Variants in DRC10 observed in about 807,000 individuals in gnomAD.
DRC10 encodes the protein dynein regulatory complex subunit 10, also known as IQ domain-containing protein D.
the DRC10 span, among the ~76,000 whole-genome samples, chr12:113,215,280 C>G: frequency 6.6e-6 from 1 of 152,198 alleles, no homozygotes; most frequent in African/African-American, 2.4e-5. Context: ...GTCGATTAAC[C>G]TCTCTAAGCC....
At chr12:113,197,838 C>T in the DRC10 span, among the ~76,000 whole-genome samples, 2 of 152,150 alleles carry the variant, frequency 1.3e-5, no homozygotes, top group East Asian at 1.9e-4. Context: ...GAATTTGATG[C>T]CAGCAGCCTG....
chr12:113,201,312 G>A, the DRC10 span, among the ~76,000 whole-genome samples: 4 of 152,240 alleles, frequency 2.6e-5, no homozygotes, highest in African/African-American at 9.6e-5. Flanking sequence ...GAGGCTCAAG[G>A]AGGTGGCTTC....
chr12:113,214,436 A>T, the DRC10 span, among the ~76,000 whole-genome samples: 502 of 147,766 alleles, frequency 3.4e-3, 5 homozygotes, highest in African/African-American at 0.011. Flanking sequence ...AACCAGGGAA[A>T]TGGAAGTTGC....
the DRC10 span, among the ~76,000 whole-genome samples, chr12:113,211,939 CCTGTAGTCCCCGCTATTTGGGG>C: frequency 1.4e-3 from 220 of 152,180 alleles, no homozygotes; most frequent in Middle Eastern, 0.02. Context: ...GTGGCAGGTG[CCTGTAGTCCCCGCTATTTGGGG>C]AGCTGAGGCA....
chr12:113,197,566 T>A, the DRC10 span: 1 of 1,534,352 alleles, frequency 6.5e-7, no homozygotes, highest in South Asian at 1.2e-5. Flanking sequence ...CTCTGTATCA[T>A]ATTTCTGGAT....
the DRC10 span, chr12:113,208,449 G>T: frequency 1.2e-6 from 1 of 859,482 alleles, no homozygotes; most frequent in Non-Finnish European, 1.5e-6. Flanking sequence ...GGAAGACCAA[G>T]TGTGGAGGCA....
chr12:113,204,961 G>C, the DRC10 span, among the ~76,000 whole-genome samples: 1 of 151,984 alleles, frequency 6.6e-6, no homozygotes, highest in Non-Finnish European at 1.5e-5. Context: ...CCCTAGCTTG[G>C]AAGGTTCTTC....
chr12:113,208,932 T>G, the DRC10 span, among the ~76,000 whole-genome samples: 1 of 152,120 alleles, frequency 6.6e-6, no homozygotes, highest in Admixed American at 6.6e-5. Context: ...TTTTTTGGTT[T>G]GTTTGTTTAT....
At chr12:113,200,745 C>G in the DRC10 span, 47 of 1,535,976 alleles carry the variant, frequency 3.1e-5, no homozygotes, top group Non-Finnish European at 4.0e-5. Flanking sequence ...CGAGGCTGTT[C>G]TCTGAGAACT....
At chr12:113,214,094 T>A in the DRC10 span, among the ~76,000 whole-genome samples, 103 of 152,158 alleles carry the variant, frequency 6.8e-4, 1 homozygote, top group Non-Finnish European at 7.4e-4. Flanking sequence ...GAACTCTGTA[T>A]GTTTTATCTG....
At chr12:113,208,128 C>T in the DRC10 span, 1 of 1,614,022 alleles carries the variant, frequency 6.2e-7, no homozygotes, top group Non-Finnish European at 8.5e-7. Context: ...TGGCAGGGGC[C>T]TGATACAAAG....
the DRC10 span, among the ~76,000 whole-genome samples, chr12:113,205,717 G>A: frequency 1.2e-3 from 161 of 134,660 alleles, no homozygotes; most frequent in East Asian, 0.025. Context: ...GTGAAACCCC[G>A]TCTCTACTAA....
At chr12:113,208,088 A>G in the DRC10 span, 13 of 1,614,170 alleles carry the variant, frequency 8.1e-6, no homozygotes, top group Non-Finnish European at 1.1e-5. Flanking sequence ...GGCCTTTTAG[A>G]TGGGTCTGTC....
At chr12:113,214,507 CAAA>C in the DRC10 span, among the ~76,000 whole-genome samples, 2 of 50,314 alleles carry the variant, frequency 4.0e-5, no homozygotes, top group East Asian at 4.8e-4. Flanking sequence ...GACTCCGTCT[CAAA>C]AAAAAAAAAA....
chr12:113,210,947 G>C, the DRC10 span, among the ~76,000 whole-genome samples: 1 of 152,332 alleles, frequency 6.6e-6, no homozygotes, highest in East Asian at 1.9e-4. Flanking sequence ...ATTAGGACTT[G>C]AGTGAAAGAG....
At chr12:113,206,846 A>ACC in the DRC10 span, among the ~76,000 whole-genome samples, 1 of 151,706 alleles carries the variant, frequency 6.6e-6, no homozygotes, top group Non-Finnish European at 1.5e-5. Context: ...GATCTCTTGA[A>ACC]CCCAGAAGTT....
the DRC10 span, among the ~76,000 whole-genome samples, chr12:113,198,588 G>A: frequency 6.6e-6 from 1 of 152,204 alleles, no homozygotes; most frequent in East Asian, 1.9e-4. Context: ...AATCCACAGA[G>A]ACAGAAAGCA....
At chr12:113,199,763 G>A in the DRC10 span, among the ~76,000 whole-genome samples, 4 of 152,118 alleles carry the variant, frequency 2.6e-5, no homozygotes, top group Non-Finnish European at 4.4e-5. Context: ...TGTTGACCTG[G>A]CTGGAATGCA....
At chr12:113,215,987 C>T in the DRC10 span, among the ~76,000 whole-genome samples, 1 of 152,170 alleles carries the variant, frequency 6.6e-6, no homozygotes, top group Non-Finnish European at 1.5e-5. Context: ...TCTTACTGTA[C>T]GATCCAGTAA....
Sources: gnomAD v4.1 joint callset for allele counts (sites outside exome capture counted in the v4.1 genomes callset) on GRCh38, gnomAD v4.1.1 for gene constraint, MANE v1.5 for transcripts, NCBI Gene and HGNC (gene_info 2026-07-23, HGNC 2026-07-21) for gene names.